Variants in FAM81A observed in about 807,000 individuals in gnomAD.
FAM81A encodes the protein protein FAM81A.
In FAM81A, 19 loss-of-function variants were observed where a neutral mutation model predicts 46.7. That is an observed-to-expected ratio of 0.41 (90% CI 0.28 to 0.60). The LOEUF (loss-of-function observed/expected upper bound fraction) is 0.60. Among genes scored for constraint, FAM81A ranks in the 20% least tolerant of loss-of-function variants. FAM81A has a pLI of 0.34. For synonymous variants in FAM81A, 183 were observed against 152.9 expected, an observed-to-expected ratio of 1.20 and a Z score of -1.45; for missense variants, 377 against 453.5, an observed-to-expected ratio of 0.83 and a Z score of 1.53.
intron 3 of FAM81A, among the ~76,000 whole-genome samples, chr15:59,475,166 A>G (rs1251893461): frequency 2.7e-5 from 4 of 150,756 alleles, no homozygotes; most frequent in Non-Finnish European, 5.9e-5. Context: ...TTTTTTTGAG[A>G]CAAGGTCTCA....
chr15:59,422,005 A>T (rs2081176069), intron 2 of FAM81A, among the ~76,000 whole-genome samples: 1 of 152,154 alleles, frequency 6.6e-6, no homozygotes, highest in Admixed American at 6.6e-5. Flanking sequence ...CATATCTTTT[A>T]AACAAAATAA....
At chr15:59,445,625 C>A (rs1187025244) in intron 1 of FAM81A, 1 of 152,176 alleles carries the variant, frequency 6.6e-6, no homozygotes, top group Non-Finnish European at 1.5e-5. Flanking sequence ...AGACTGGAGA[C>A]TGGATCTTTC....
At position 59,400,385 on chromosome 15, in the gene FAM81A, C is replaced by G. The variant is rs78182526; in HGVS notation, c.-160-1891C>G. On this transcript the variant is annotated intron_variant, in intron 1 of 4. Coordinates refer to the FAM81A transcript ENST00000558348. ...CTCCACGTCCACTGCACCCCGCACA[C>G]TAGCCCAAGCTACTATCATCCTCTC... 0.015 allele frequency among the ~76,000 whole-genome samples: 2,352 copies of G among 152,258 alleles called. 117 individuals carry two copies. The East Asian group carries it at 0.2, about 13-fold the overall frequency.
In FAM81A at chr15:59,522,356, C is replaced by T. The variant is rs1191146776; in HGVS notation, c.*978C>T. ...AGACAAAATAGAAAGTATGATAATC[C>T]GTCAGAAGTATGATGTAAAACTGGA... On this transcript the variant is annotated 3_prime_UTR_variant, in exon 9 of 9. Transcript: ENST00000288228. The T allele has an allele frequency of 5.2e-5, 8 of 152,566 alleles. No individual in the cohort carries two copies. The highest frequency in any genetic ancestry group is 2.6e-4 in the Admixed American group (4 of 15,274). 9.5% of individuals were successfully genotyped at this position (152,566 alleles called of 1,614,324 possible).
At chr15:59,472,007 C>A (rs1004762803) in intron 3 of FAM81A, among the ~76,000 whole-genome samples, 1 of 152,100 alleles carries the variant, frequency 6.6e-6, no homozygotes, top group Non-Finnish European at 1.5e-5. Flanking sequence ...GGTATCCATT[C>A]CAGATTTCTT....
intron 1 of FAM81A, among the ~76,000 whole-genome samples, chr15:59,444,740 C>T (rs1253933364): frequency 1.3e-5 from 2 of 152,134 alleles, no homozygotes; most frequent in African/African-American, 4.8e-5. Context: ...TACTGTCCTC[C>T]CTCTCCCTAT....
At chr15:59,480,617 C>T (rs1301762002) in intron 3 of FAM81A, among the ~76,000 whole-genome samples, 2 of 152,136 alleles carry the variant, frequency 1.3e-5, no homozygotes, top group African/African-American at 2.4e-5. Context: ...ATGCACTTTC[C>T]ACCCTTTAGT....
chr15:59,507,473 T>C, intron 5 of FAM81A, 131 bp downstream of exon 5: 3 of 1,257,720 alleles, frequency 2.4e-6, no homozygotes, highest in South Asian at 1.6e-5. Context: ...ATCATAAGCA[T>C]CTTTTCTTTG....
At chr15:59,466,412 A>G (rs1302692665) in intron 3 of FAM81A, among the ~76,000 whole-genome samples, 1 of 152,162 alleles carries the variant, frequency 6.6e-6, no homozygotes, top group African/African-American at 2.4e-5. Context: ...CTGGCGTGAG[A>G]TGGTATCTCT....
intron 1 of FAM81A, among the ~76,000 whole-genome samples, chr15:59,451,607 C>T (rs1196355412): frequency 2.6e-5 from 4 of 152,166 alleles, no homozygotes; most frequent in Admixed American, 2.6e-4. Flanking sequence ...TGTGGACCAT[C>T]ACGCTCAGCT....
chr15:59,424,462 G>A (rs2081187004), intron 2 of FAM81A, among the ~76,000 whole-genome samples: 1 of 152,096 alleles, frequency 6.6e-6, no homozygotes, highest in Admixed American at 6.5e-5. Flanking sequence ...GCTAATCAAA[G>A]GATGGCTTCT....
chr15:59,450,464 T>A (rs1178446460), intron 1 of FAM81A, among the ~76,000 whole-genome samples: 6 of 152,152 alleles, frequency 3.9e-5, no homozygotes, highest in Admixed American at 6.5e-5. Flanking sequence ...CATCTTCAGC[T>A]TTACTAGATA....
chr15:59,407,491 T>G (rs1209451047), intron 2 of FAM81A, among the ~76,000 whole-genome samples: 1 of 151,924 alleles, frequency 6.6e-6, no homozygotes, highest in Non-Finnish European at 1.5e-5. Context: ...GAGACGGGGT[T>G]TCACCATGTT....
chr15:59,419,423 C>A (rs1207759973), intron 2 of FAM81A, among the ~76,000 whole-genome samples: 2 of 152,192 alleles, frequency 1.3e-5, no homozygotes. Context: ...GCAACACGTT[C>A]ATCAAGGACC....
At chr15:59,505,402 C>T (rs1267155077) in intron 4 of FAM81A, among the ~76,000 whole-genome samples, 1 of 151,830 alleles carries the variant, frequency 6.6e-6, no homozygotes, top group Non-Finnish European at 1.5e-5. Context: ...ATCCCAGCTA[C>T]TCAGGAGGCT....
chr15:59,463,124 T>G (rs1158998988), intron 3 of FAM81A, among the ~76,000 whole-genome samples: 1 of 152,232 alleles, frequency 6.6e-6, no homozygotes, highest in Admixed American at 6.5e-5. Context: ...TCTCCTATGT[T>G]TAATTCAAGA....
rs57636733 is a variant in FAM81A at position 59,445,569 on chromosome 15, G to A, written c.-78+7287G>A. The A allele has an allele frequency of 9.8e-4, 149 of 152,260 alleles. 1 individual carries two copies. Among genetic ancestry groups the A allele is most frequent in the African/African-American group, 3.5e-3 (145 of 41,546 alleles). 9.4% of individuals were successfully genotyped at this position (152,260 alleles called of 1,614,324 possible). On this transcript the variant is annotated intron_variant, in intron 1 of 8. Transcript: ENST00000288228. ...AAAGAGTAAAAGACTCCCATATTAAGCAGAGAAGTCCAGCCTCCTCTCTCT... is the reference window on the plus strand; with the variant it reads ...AAAGAGTAAAAGACTCCCATATTAAACAGAGAAGTCCAGCCTCCTCTCTCT...
At chr15:59,430,288 G>A (rs1596467202) in intron 2 of FAM81A, among the ~76,000 whole-genome samples, 1 of 121,244 alleles carries the variant, frequency 8.2e-6, no homozygotes, top group South Asian at 2.8e-4. Context: ...TTTTTGAGAT[G>A]GAGTCTTGCT....
intron 3 of FAM81A, among the ~76,000 whole-genome samples, chr15:59,470,481 C>A (rs1309650936): frequency 1.3e-5 from 2 of 152,172 alleles, no homozygotes; most frequent in Admixed American, 6.5e-5. Context: ...ACCCTTTCTT[C>A]CACTTGATTG....
Sources: allele counts gnomAD v4.1 joint callset (sites outside exome capture counted in the v4.1 genomes callset), GRCh38; gene constraint gnomAD v4.1.1; transcripts MANE v1.5; gene names NCBI Gene and HGNC (gene_info 2026-07-23, HGNC 2026-07-21).